Variants in TOX observed in about 807,000 individuals in gnomAD.
The protein encoded by TOX is thymocyte selection-associated high mobility group box protein TOX.
A neutral mutation model predicts 53.7 loss-of-function variants in TOX; 11 were observed. The ratio of observed to expected loss-of-function variants is 0.20; its 90% CI spans 0.13 to 0.34. The LOEUF (loss-of-function observed/expected upper bound fraction) is 0.34, where lower values mean the gene tolerates loss of function less well. TOX is among the 10% of genes least tolerant of loss of function. TOX has a pLI of 1.00. For synonymous variants in TOX, 225 were observed against 245.3 expected (o/e 0.92, Z 0.77); for missense variants, 570 against 664.6 (o/e 0.86, Z 1.56).
At chr8:59,017,454 G>T (rs1474537925) in intron 1 of TOX, among the ~76,000 whole-genome samples, 1 of 152,152 alleles carries the variant, frequency 6.6e-6, no homozygotes, top group African/African-American at 2.4e-5. Context: ...TAACAAGTGT[G>T]CTTTGCTGGT....
intron 2 of TOX, among the ~76,000 whole-genome samples, chr8:58,958,695 G>A (rs1812750158): frequency 6.6e-6 from 1 of 152,186 alleles, no homozygotes; most frequent in African/African-American, 2.4e-5. Context: ...AGTATTCTTA[G>A]AGTGAACAGC....
At chr8:58,997,327 C>T (rs1225870809) in intron 1 of TOX, among the ~76,000 whole-genome samples, 1 of 152,182 alleles carries the variant, frequency 6.6e-6, no homozygotes, top group South Asian at 2.1e-4. Context: ...GACTGGAGAC[C>T]AGTGGATGAA....
chr8:58,824,568 T>TCTACAGCTCTTTC (rs1300829283), intron 6 of TOX, among the ~76,000 whole-genome samples: 1 of 152,188 alleles, frequency 6.6e-6, no homozygotes, highest in Admixed American at 6.5e-5. Context: ...TTCCTCTGGC[T>TCTACAGCTCTTTC]CTCTGGTTCT....
chr8:59,086,301 T>C (rs1051085646), intron 1 of TOX, among the ~76,000 whole-genome samples: 1 of 152,078 alleles, frequency 6.6e-6, no homozygotes, highest in African/African-American at 2.4e-5. Context: ...CCACAGAATA[T>C]TAAACCTTAT....
chr8:58,910,931 C>T (rs931455298), intron 3 of TOX, among the ~76,000 whole-genome samples: 2 of 152,166 alleles, frequency 1.3e-5, no homozygotes, highest in South Asian at 2.1e-4. Context: ...ACAGAACATG[C>T]ACCTCGGATA....
intron 1 of TOX, among the ~76,000 whole-genome samples, chr8:59,002,537 A>T (rs1813711509): frequency 6.6e-6 from 1 of 151,228 alleles, no homozygotes; most frequent in South Asian, 2.1e-4. Flanking sequence ...GCTTGCAGTG[A>T]GCGAGATCGC....
intron 1 of TOX, among the ~76,000 whole-genome samples, chr8:58,986,880 C>A (rs564065961): frequency 6.6e-6 from 1 of 152,308 alleles, no homozygotes; most frequent in African/African-American, 2.4e-5. Flanking sequence ...AAGAGAGAAG[C>A]AAGCTTCCTG....
At chr8:58,928,887 A>C (rs568439492) in intron 3 of TOX, among the ~76,000 whole-genome samples, 19 of 152,220 alleles carry the variant, frequency 1.2e-4, no homozygotes, top group Non-Finnish European at 2.9e-5. Flanking sequence ...TTACATATAC[A>C]ATAGATATAA....
intron 3 of TOX, among the ~76,000 whole-genome samples, chr8:58,860,901 T>C (rs1810999328): frequency 6.6e-6 from 1 of 151,980 alleles, no homozygotes; most frequent in South Asian, 2.1e-4. Flanking sequence ...ACTATGTACA[T>C]ATAATCTCTC....
At chr8:59,101,789 A>T (rs1160293613) in intron 1 of TOX, among the ~76,000 whole-genome samples, 2 of 152,242 alleles carry the variant, frequency 1.3e-5, no homozygotes, top group East Asian at 3.8e-4. Context: ...TCCAAAAAAC[A>T]AACAAACAAA....
At chr8:59,043,944 C>T (rs1803640559) in intron 1 of TOX, among the ~76,000 whole-genome samples, 1 of 152,194 alleles carries the variant, frequency 6.6e-6, no homozygotes, top group African/African-American at 2.4e-5. Context: ...TTGAATGGCA[C>T]TGAACCCCAA....
chr8:58,909,030 T>C (rs1230483813), intron 3 of TOX, among the ~76,000 whole-genome samples: 2 of 152,246 alleles, frequency 1.3e-5, no homozygotes, highest in Admixed American at 6.5e-5. Flanking sequence ...TGGGGATTAG[T>C]GAACTTTCAG....
intron 1 of TOX, among the ~76,000 whole-genome samples, chr8:59,103,977 T>G (rs950813184): frequency 1.3e-5 from 2 of 152,244 alleles, no homozygotes; most frequent in African/African-American, 4.8e-5. Context: ...CAACTTCATA[T>G]GTGCTTTAAG....
chr8:58,968,929 A>T (rs997524607), intron 1 of TOX, among the ~76,000 whole-genome samples: 1 of 152,210 alleles, frequency 6.6e-6, no homozygotes, highest in Non-Finnish European at 1.5e-5. Flanking sequence ...AAACTTTTTT[A>T]AAAAACCAAG....
At chr8:58,991,614 G>C (rs1563411275) in intron 1 of TOX, 1 of 152,162 alleles carries the variant, frequency 6.6e-6, no homozygotes, top group Non-Finnish European at 1.5e-5. Context: ...ACACCACTCA[G>C]ACTGAAATCA....
intron 1 of TOX, among the ~76,000 whole-genome samples, chr8:59,114,591 A>G (rs1805069929): frequency 6.6e-6 from 1 of 152,188 alleles, no homozygotes; most frequent in Non-Finnish European, 1.5e-5. Flanking sequence ...TGAATTATCA[A>G]CTATGAATTT....
chr8:59,061,396 C>G (rs564928534), intron 1 of TOX, among the ~76,000 whole-genome samples: 105 of 152,196 alleles, frequency 6.9e-4, no homozygotes, highest in Non-Finnish European at 2.5e-4. Context: ...CCAGTTCACT[C>G]CTGTAAATGG....
At chr8:58,959,357 T>C (rs1430308175) in intron 2 of TOX, among the ~76,000 whole-genome samples, 1 of 152,226 alleles carries the variant, frequency 6.6e-6, no homozygotes, top group Non-Finnish European at 1.5e-5. Flanking sequence ...TTGTCATTTC[T>C]CATGATTAAA....
intron 1 of TOX, among the ~76,000 whole-genome samples, chr8:59,057,799 A>G (rs1803911065): frequency 6.6e-6 from 1 of 152,106 alleles, no homozygotes; most frequent in South Asian, 2.1e-4. Flanking sequence ...GTTTTTGTAA[A>G]TATCTTCAGG....
Sources: gnomAD v4.1 joint callset for allele counts (sites outside exome capture counted in the v4.1 genomes callset) on GRCh38, gnomAD v4.1.1 for gene constraint, MANE v1.5 for transcripts, NCBI Gene and HGNC (gene_info 2026-07-23, HGNC 2026-07-21) for gene names.